TRIO: variants seen among roughly 807,000 people sequenced by gnomAD.
The protein encoded by TRIO is trio Rho guanine nucleotide exchange factor.
TRIO carries 58 observed loss-of-function variants against 351.9 expected under a neutral mutation model. The ratio of observed to expected loss-of-function variants is 0.16; its 90% CI spans 0.13 to 0.21. The LOEUF (loss-of-function observed/expected upper bound fraction) is 0.21, where lower values mean the gene tolerates loss of function less well. Ranked by LOEUF, TRIO falls within the 10% of genes least tolerant of loss-of-function variation. The probability of loss-of-function intolerance (pLI) is 1.00; values close to 1 mark genes in which losing one functional copy is unlikely to be tolerated. For missense variants in TRIO, 3,201 were observed against 4,027.8 expected, an observed-to-expected ratio of 0.79 and a Z score of 5.56; for synonymous variants, 1,758 against 1,595.7, an observed-to-expected ratio of 1.10 and a Z score of -2.42.
intron 1 of TRIO, among the ~76,000 whole-genome samples, chr5:14,256,348 A>C (rs1303550347): frequency 6.6e-6 from 1 of 152,208 alleles, no homozygotes; most frequent in Non-Finnish European, 1.5e-5. Context: ...CCCCACCTCC[A>C]GCATGGGAGG....
At chr5:14,343,465 T>C (rs1742132381) in intron 11 of TRIO, among the ~76,000 whole-genome samples, 1 of 152,224 alleles carries the variant, frequency 6.6e-6, no homozygotes. Context: ...TCTGCTTCTA[T>C]TATTTTGTTA....
intron 34 of TRIO, among the ~76,000 whole-genome samples, chr5:14,454,820 T>C (rs1255700501): frequency 2.6e-5 from 4 of 152,134 alleles, no homozygotes; most frequent in African/African-American, 9.7e-5. Context: ...ATCTTCGTGG[T>C]GTTACAGTTT....
chr5:14,337,144 T>C (rs1019682842), intron 11 of TRIO, among the ~76,000 whole-genome samples: 10 of 152,154 alleles, frequency 6.6e-5, no homozygotes, highest in Admixed American at 2.0e-4. Flanking sequence ...TTACCTAATA[T>C]TGAGTTTAAA....
rs1225585802 is a variant in TRIO, at chr5:14,286,159, GTCA to G, written c.348-711_348-709del. Among the ~76,000 whole-genome samples the G allele has an allele frequency of 2.0e-5, 3 of 152,040 alleles. No homozygotes were observed. Among genetic ancestry groups the G allele is most frequent in the African/African-American group, 7.3e-5 (3 of 41,376 alleles). ...GACTCCCAGCACTGCCTTGACGTGT[GTCA>G]GAGGCCAGCAGTGTTAAGCCAGCGT... On this transcript the variant is annotated intron_variant, in intron 3 of 56. Coordinates refer to ENST00000344204, the MANE Select transcript of TRIO (RefSeq NM_007118.4). This position sits in a 1 kb window ranked among gnomAD's most constrained non-coding sequence, Gnocchi z 4.4.
Position 14,290,720 on chromosome 5 carries a change from A to T in TRIO, c.545A>T (p.Asn182Ile), listed in dbSNP as rs769879501. The T allele has an allele frequency of 1.9e-6, 3 of 1,599,442 alleles. No homozygotes were observed. Among genetic ancestry groups the T allele is most frequent in the Non-Finnish European group, 2.6e-6 (3 of 1,171,632 alleles). The part of the protein sequence containing the change: ...FGSSKFEFET[N>I]MVSLEGLTKV... ...CGTGATTTTTTTTCCCTTAAGACAAATATGGTCTCTTTAGAAGGCCTTACC... is the reference window on the plus strand; with the variant it reads ...CGTGATTTTTTTTCCCTTAAGACAATTATGGTCTCTTTAGAAGGCCTTACC... Residue 182 changes from asparagine (N) to isoleucine (I), a missense_variant, in exon 5 of 57, where the codon AAT becomes ATT. Asn to Ile is a moderately radical substitution (Grantham distance 149, BLOSUM62 -3). Coordinates refer to ENST00000344204, the MANE Select transcript of TRIO (RefSeq NM_007118.4).
In TRIO at chr5:14,368,707, G is replaced by C; in HGVS notation, c.2875-1G>C. 6.2e-7 allele frequency: 1 copy of C among 1,611,100 alleles called. No individual in the cohort carries two copies. The highest frequency in any genetic ancestry group is 8.5e-7 in the Non-Finnish European group (1 of 1,177,674). On this transcript the variant is annotated splice_acceptor_variant, in intron 16 of 56. Coordinates refer to ENST00000344204, the MANE Select transcript of TRIO (RefSeq NM_007118.4). LOFTEE classifies it high-confidence loss of function. ...CCTTCCCTTTTGTTCTCTGTCTCTAGAAAACACATCAGAGCGCGCTGCAGG... is the reference window on the plus strand; with the variant it reads ...CCTTCCCTTTTGTTCTCTGTCTCTACAAAACACATCAGAGCGCGCTGCAGG...
chr5:14,506,982 C>A, intron 55 of TRIO, 140 bp from the exon 56 acceptor site: 1 of 1,190,580 alleles, frequency 8.4e-7, no homozygotes, highest in Non-Finnish European at 1.1e-6. Flanking sequence ...CTTGTCTAGT[C>A]ACGCCTTAGA....
At chr5:14,199,195 C>CAAAAAAAA (rs58856067) in intron 1 of TRIO, among the ~76,000 whole-genome samples, 3 of 74,242 alleles carry the variant, frequency 4.0e-5, no homozygotes, top group Admixed American at 2.1e-4. Flanking sequence ...GAGTGGGACT[C>CAAAAAAAA]AAAAAAAAAA....
intron 29 of TRIO, 101 bp downstream of exon 29, chr5:14,397,255 T>G: frequency 5.8e-6 from 5 of 855,494 alleles, no homozygotes; most frequent in South Asian, 1.8e-5. Context: ...TTTATGTCTC[T>G]ATGTTAGTGG....
chr5:14,161,310 T>G (rs577807721), intron 1 of TRIO, among the ~76,000 whole-genome samples: 3 of 152,340 alleles, frequency 2.0e-5, no homozygotes, highest in African/African-American at 7.2e-5. Context: ...TCTTGTGCTC[T>G]TGTACCTGTA....
At chr5:14,454,823 TAC>T (rs1327349643) in intron 34 of TRIO, among the ~76,000 whole-genome samples, 2 of 152,232 alleles carry the variant, frequency 1.3e-5, no homozygotes, top group East Asian at 1.9e-4. Flanking sequence ...TTCGTGGTGT[TAC>T]AGTTTTTAAA....
chr5:14,451,129 C>T (rs552856211), intron 34 of TRIO, among the ~76,000 whole-genome samples: 2 of 152,278 alleles, frequency 1.3e-5, no homozygotes, highest in South Asian at 4.1e-4. Flanking sequence ...CTTAAGATTT[C>T]CCAAGTAATA....
intron 1 of TRIO, among the ~76,000 whole-genome samples, chr5:14,262,780 T>G (rs165096): frequency 0.3 from 45,811 of 151,420 alleles, 7,571 homozygotes; most frequent in African/African-American, 0.43. Flanking sequence ...CAGGTACTGT[T>G]CTGGGACCTA....
chr5:14,254,189 CCT>C (rs1794900846), intron 1 of TRIO, among the ~76,000 whole-genome samples: 1 of 151,686 alleles, frequency 6.6e-6, no homozygotes, highest in Admixed American at 6.6e-5. Context: ...GTTCTCCCCC[CCT>C]CCCCCCGCCT....
intron 1 of TRIO, among the ~76,000 whole-genome samples, chr5:14,194,244 C>T (rs1470949736): frequency 6.6e-6 from 1 of 152,140 alleles, no homozygotes; most frequent in Non-Finnish European, 1.5e-5. Context: ...ATTATTTTGT[C>T]TTACAACTTG....
rs1736453433 is a variant in TRIO at position 14,286,475 on chromosome 5, T to A, written c.348-396T>A. ...CCCCAGTCTGGGTTTTGTTGCAGGC[T>A]GTCAGGGTTTTGTACTCACCCGATG... On this transcript the variant is annotated intron_variant, in intron 3 of 56. Transcript: ENST00000344204. The surrounding 1 kb of genome is among the most constrained non-coding windows in gnomAD (Gnocchi z 4.4). Among the ~76,000 whole-genome samples the A allele has an allele frequency of 6.6e-6, 1 of 152,158 alleles. No homozygotes were observed.
intron 34 of TRIO, among the ~76,000 whole-genome samples, chr5:14,450,164 C>T (rs1171711595): frequency 3.3e-5 from 5 of 152,154 alleles, no homozygotes; most frequent in African/African-American, 9.7e-5. Flanking sequence ...GAGATCGACG[C>T]GGCCGGCCTC....
chr5:14,341,989 G>A (rs1741976059), intron 11 of TRIO, among the ~76,000 whole-genome samples: 2 of 152,206 alleles, frequency 1.3e-5, no homozygotes, highest in African/African-American at 4.8e-5. Context: ...CAAAAACAAA[G>A]GCCTCCCAGC....
intron 1 of TRIO, among the ~76,000 whole-genome samples, chr5:14,222,108 T>G (rs1016891714): frequency 6.6e-6 from 1 of 151,622 alleles, no homozygotes; most frequent in South Asian, 2.1e-4. Flanking sequence ...TACGACTCTC[T>G]GAAGGCTCAG....
Sources: gnomAD v4.1 joint callset for allele counts (sites outside exome capture counted in the v4.1 genomes callset) on GRCh38, gnomAD v4.1.1 for gene constraint, Gnocchi (gnomAD v3.1) non-coding constraint, MANE v1.5 for transcripts, NCBI Gene and HGNC (gene_info 2026-07-23, HGNC 2026-07-21) for gene names.